Variants in ZNF696 observed in about 807,000 individuals in gnomAD.
ZNF696 encodes the protein zinc finger protein 696.
Under a neutral mutation model 12.3 loss-of-function variants are expected in ZNF696, and 10 were observed. The observed-to-expected ratio is 0.81, with a 90% CI of 0.50 to 1.38. The LOEUF is 1.38. Ranked by LOEUF, ZNF696 falls within the 40% of genes most tolerant of loss-of-function variation. ZNF696 has a pLI of 0.00. For synonymous variants in ZNF696, 304 were observed against 243.9 expected (o/e 1.25, Z -2.29); for missense variants, 675 against 554.7 (o/e 1.22, Z -2.18).
chr8:143,294,173 T>C (rs1815669883), intron 2 of ZNF696, among the ~76,000 whole-genome samples: 1 of 152,184 alleles, frequency 6.6e-6, no homozygotes, highest in Admixed American at 6.5e-5. Context: ...GTCCCAGGGT[T>C]TCACCCCTAC....
intron 2 of ZNF696, among the ~76,000 whole-genome samples, chr8:143,294,199 T>A (rs1815670141): frequency 6.6e-6 from 1 of 152,152 alleles, no homozygotes; most frequent in Middle Eastern, 3.2e-3. Flanking sequence ...AAGCCTTTTT[T>A]CTAAATGGCC....
At chr8:143,294,390 C>CTT (rs34039539) in intron 2 of ZNF696, among the ~76,000 whole-genome samples, 2,949 of 143,966 alleles carry the variant, frequency 0.02, 44 homozygotes, top group Middle Eastern at 0.064. Flanking sequence ...CTTTTCTTTT[C>CTT]TTTTTTTTTT....
rs761842581 is a variant in ZNF696 at position 143,296,092 on chromosome 8, C to T, written c.417C>T (p.Asp139=). 31 of 1,603,646 alleles carry T rather than the reference C, an allele frequency of 1.9e-5. No individual in the cohort carries two copies. The highest frequency in any genetic ancestry group is 2.6e-5 in the Non-Finnish European group (30 of 1,174,984). ...ACGRSFKCSS[D]AAKHRSIHSG... ...GCCGCAGCTTCAAGTGCTCCTCGGACGCGGCAAAGCACCGGAGCATCCACT... is the reference window on the plus strand; with the variant it reads ...GCCGCAGCTTCAAGTGCTCCTCGGATGCGGCAAAGCACCGGAGCATCCACT... The change falls in exon 3 of 3, where the codon GAC becomes GAT. Residue 139 remains aspartate (D), a synonymous_variant. Transcript: ENST00000330143.
Position 143,299,035 on chromosome 8 carries a change from T to G in ZNF696, c.*2235T>G, listed in dbSNP as rs1022010626. Among the ~76,000 whole-genome samples, 1 of 152,148 alleles carries G rather than the reference T, an allele frequency of 6.6e-6. No individual in the cohort carries two copies. Among genetic ancestry groups the G allele is most frequent in the African/African-American group, 2.4e-5 (1 of 41,432 alleles). On this transcript the variant is annotated 3_prime_UTR_variant, in exon 3 of 3. Coordinates refer to ENST00000330143, the MANE Select transcript of ZNF696 (RefSeq NM_030895.3). ...TTAGCTGGGCATGGTGGCCCACACC[T>G]GTAATCCCAGCTACTCGGGCAGCTG...
rs1815716152 is a variant in ZNF696 at position 143,296,419 on chromosome 8, C to A, written c.744C>A (p.His248Gln). 6.2e-7 allele frequency: 1 copy of A among 1,601,960 alleles called. No homozygotes were observed. The change falls in exon 3 of 3, where the codon CAC becomes CAA. Residue 248 changes from histidine to glutamine, a missense_variant. Coordinates refer to ENST00000330143, the MANE Select transcript of ZNF696 (RefSeq NM_030895.3). ...GCGAGTGCGGGAAGCGCTTCCTGCA[C>A]AGCTCGAACGTGGTCCGGCACCGGC... Reference protein sequence around the residue: ...ACGECGKRFLHSSNVVRHRRT... With the variant: ...ACGECGKRFLQSSNVVRHRRT...
In ZNF696 at chr8:143,296,951, C is replaced by T. The variant is rs1461932644; in HGVS notation, c.*151C>T. The T allele has an allele frequency of 1.4e-5, 10 of 731,952 alleles. 1 individual carries two copies. The East Asian group carries it at 3.2e-4, about 23-fold the overall frequency. 45.3% of individuals were successfully genotyped at this position (731,952 alleles called of 1,614,324 possible). ...GCGAAAGCCTCGCCAGGCCTGCATC[C>T]GCCTTGGCTTGGGAGCAATCAGGAG... On this transcript the variant is annotated 3_prime_UTR_variant, in exon 3 of 3. Transcript: ENST00000330143.
At chr8:143,292,875 C>G (rs1815649787) in intron 1 of ZNF696, 97 bp from the exon 2 acceptor site, 1 of 1,060,652 alleles carries the variant, frequency 9.4e-7, no homozygotes, top group Non-Finnish European at 1.4e-6. Flanking sequence ...AGGGCCTGTT[C>G]TGACAGTTTC....
At position 143,292,978 on chromosome 8, in the gene ZNF696, T is replaced by C. The variant is rs1483382222; in HGVS notation, c.-24T>C. On this transcript the variant is annotated 5_prime_UTR_variant, in exon 2 of 3. Transcript: ENST00000330143. ...TTTTCTTTTACCTAAGCAGAAATTG[T>C]TCCAACTGCTGGTGTTCTGCAAGAT... 1 of 1,613,244 alleles carries C rather than the reference T, an allele frequency of 6.2e-7. No homozygotes were observed. The highest frequency in any genetic ancestry group is 1.1e-5 in the South Asian group (1 of 90,894).
chr8:143,291,711 G>C lies in ZNF696; in HGVS notation c.-87G>C. On this transcript the variant is annotated 5_prime_UTR_variant, in exon 1 of 3. Transcript: ENST00000330143. ...AGTTGTCAAATTTCCCACCGGCCCA[G>C]CTCATCGAGCTTCTTCCCAGCTGTG... 4.1e-6 allele frequency: 4 copies of C among 985,490 alleles called. No individual in the cohort carries two copies. Among genetic ancestry groups the C allele is most frequent in the Non-Finnish European group, 4.8e-6 (4 of 829,944 alleles). The allele number at this position is 985,490 out of a possible 1,614,324, so 61.0% of individuals were successfully genotyped here.
intron 2 of ZNF696, 44 bp from the exon 3 acceptor site, chr8:143,295,696 G>C: frequency 6.7e-7 from 1 of 1,498,628 alleles, no homozygotes; most frequent in African/African-American, 1.4e-5. Flanking sequence ...CTCGACTCAC[G>C]TTCTCTTACA....
intron 2 of ZNF696, among the ~76,000 whole-genome samples, chr8:143,294,353 G>A (rs1304052938): frequency 1.3e-5 from 2 of 151,816 alleles, no homozygotes; most frequent in Non-Finnish European, 2.9e-5. Flanking sequence ...GACGTGGGTT[G>A]CTGCTTCCAG....
rs1430290112 is a variant in ZNF696, at chr8:143,296,226, C to G, written c.551C>G (p.Ala184Gly). 1 of 1,594,222 alleles carries G rather than the reference C, an allele frequency of 6.3e-7. No individual in the cohort carries two copies. Among genetic ancestry groups the G allele is most frequent in the Non-Finnish European group, 8.5e-7 (1 of 1,174,670 alleles). The change falls in exon 3 of 3, where the codon GCC becomes GGC. Residue 184 changes from alanine to glycine, a missense_variant. By Grantham distance (60) the Ala-to-Gly change is moderately conservative. Transcript: ENST00000330143. ...AHSGERPYAC[A>G]ECGKAFGQSF... Reference sequence around the variant, plus strand: ...AGCGGGGAGAGGCCCTACGCGTGCGCCGAGTGCGGCAAGGCCTTCGGCCAG... The same window carrying G: ...AGCGGGGAGAGGCCCTACGCGTGCGGCGAGTGCGGCAAGGCCTTCGGCCAG...
intron 2 of ZNF696, 122 bp downstream of exon 2, chr8:143,293,187 T>C: frequency 2.4e-6 from 2 of 816,864 alleles, no homozygotes; most frequent in Middle Eastern, 2.5e-4. Flanking sequence ...GGGCGCAGGG[T>C]GAGGGAGGGA....
At position 143,296,436 on chromosome 8, in the gene ZNF696, G is replaced by C. The variant is rs745876743; in HGVS notation, c.761G>C (p.Arg254Pro). 6.2e-7 allele frequency: 1 copy of C among 1,605,844 alleles called. No homozygotes were observed. The highest frequency in any genetic ancestry group is 8.5e-7 in the Non-Finnish European group (1 of 1,178,166). ...TTCCTGCACAGCTCGAACGTGGTCC[G>C]GCACCGGCGGACCCACCACGGGGAG... ...KRFLHSSNVV[R>P]HRRTHHGENP... The change falls in exon 3 of 3, where the codon CGG becomes CCG. Residue 254 changes from arginine (R) to proline (P), a missense_variant. Transcript: ENST00000330143.
chr8:143,296,782 GGTGCATGGCGCCGA>G lies in ZNF696; in HGVS notation c.1111_1124del (p.His371SerfsTer124), dbSNP rs1306652749. 7.0e-7 allele frequency: 1 copy of G among 1,423,290 alleles called. No homozygotes were observed. Among genetic ancestry groups the G allele is most frequent in the Non-Finnish European group, 9.1e-7 (1 of 1,096,812 alleles). 88.2% of individuals were successfully genotyped at this position (1,423,290 alleles called of 1,614,324 possible). A position where few individuals can be genotyped will look rare whatever the true frequency, so the allele number is the denominator to read the frequency against. ...GCTTCCACCTCATCCAGCACCGGCG[GGTGCATGGCGCCGA>G]GTGAGCCGGGGCTGCGGCGGAAGAG... On this transcript the variant is annotated frameshift_variant, in exon 3 of 3. Transcript: ENST00000330143. LOFTEE classifies it high-confidence loss of function.
In ZNF696 at chr8:143,297,902, G is replaced by A. The variant is rs568168052; in HGVS notation, c.*1102G>A. The A allele has an allele frequency of 1.1e-4, 16 of 152,350 alleles. No individual in the cohort carries two copies. Among genetic ancestry groups the A allele is most frequent in the Non-Finnish European group, 1.5e-5 (1 of 68,040 alleles). The allele number at this position is 152,350 out of a possible 1,614,324, so 9.4% of individuals were successfully genotyped here. On this transcript the variant is annotated 3_prime_UTR_variant, in exon 3 of 3. Transcript: ENST00000330143. ...TGATTTCAGAAGCGTTCTGTGGGTA[G>A]AGGAATCGTTTTCTCTTTGAGACTG...
rs773246191 is a variant in ZNF696 at position 143,296,150 on chromosome 8, G to A, written c.475G>A (p.Gly159Arg). The A allele has an allele frequency of 6.2e-7, 1 of 1,609,234 alleles. No homozygotes were observed. Among genetic ancestry groups the A allele is most frequent in the Non-Finnish European group, 8.5e-7 (1 of 1,178,806 alleles). ...GAAACCGTACGAGTGCAGCGACTGC[G>A]GGAAGGCCTTCATCCACAGCTCGCA... ...GEKPYECSDC[G>R]KAFIHSSHVV... The change falls in exon 3 of 3, where the codon GGG (glycine) becomes AGG (arginine). Residue 159 changes from glycine to arginine, a missense_variant. Transcript: ENST00000330143.
intron 2 of ZNF696, among the ~76,000 whole-genome samples, chr8:143,293,864 T>C (rs991812614): frequency 6.6e-6 from 1 of 152,342 alleles, no homozygotes; most frequent in Admixed American, 6.5e-5. Context: ...GTCAGGGGTC[T>C]GCAAGGGCAG....
At chr8:143,293,183 A>G (rs1243008187) in intron 2 of ZNF696, 118 bp downstream of exon 2, 3 of 811,752 alleles carry the variant, frequency 3.7e-6, no homozygotes, top group East Asian at 5.4e-5. Flanking sequence ...CCTTGGGCGC[A>G]GGGTGAGGGA....
Sources: allele counts gnomAD v4.1 joint callset (sites outside exome capture counted in the v4.1 genomes callset), GRCh38; gene constraint gnomAD v4.1.1; transcripts MANE v1.5; gene names NCBI Gene and HGNC (gene_info 2026-07-23, HGNC 2026-07-21).